Variants in UBR4 observed in about 807,000 individuals in gnomAD.
The protein encoded by UBR4 is ubiquitin protein ligase E3 component n-recognin 4.
Under a neutral mutation model 575.6 loss-of-function variants are expected in UBR4, and 124 were observed. The ratio of observed to expected loss-of-function variants is 0.22; its 90% CI spans 0.19 to 0.25. UBR4 has a LOEUF of 0.25. UBR4 is among the 10% of genes least tolerant of loss of function. The probability of loss-of-function intolerance (pLI) is 1.00; values close to 1 mark genes in which losing one functional copy is unlikely to be tolerated. For synonymous variants in UBR4, 2,455 were observed against 2,473.7 expected (o/e 0.99, Z 0.22); for missense variants, 4,818 against 6,478.8 (o/e 0.74, Z 8.80).
chr1:19,210,034 C>A (rs1304857870), intron 1 of UBR4, 39 bp downstream of exon 1: 1 of 1,515,152 alleles, frequency 6.6e-7, no homozygotes. Flanking sequence ...ATCCCCTCCC[C>A]CCACAACAGC....
Position 19,185,220 on chromosome 1 carries a change from G to C in UBR4, c.1817C>G (p.Ala606Gly). The stretch of plus-strand genomic sequence containing the variant: ...AGGTGGGGGAGGAGGCGGAGGTGCT[G>C]CTTTCTCTTTACTGGGAGAAATAGT... Reference protein sequence around the residue: ...EETISPSKEKAAPPPPPPPPP... With the variant: ...EETISPSKEKGAPPPPPPPPP... Residue 606 changes from alanine (A) to glycine (G), a missense_variant, in exon 15 of 106, where the codon GCA becomes GGA. Ala to Gly is a moderately conservative substitution (Grantham distance 60). Around this residue, in one of 29 missense-constraint regions of UBR4, gnomAD observed 1,172 missense variants for 1,259.7 expected, o/e 0.93. Coordinates refer to ENST00000375254, the MANE Select transcript of UBR4 (RefSeq NM_020765.3). 6.2e-7 allele frequency: 1 copy of C among 1,613,062 alleles called. No individual in the cohort carries two copies. The highest frequency in any genetic ancestry group is 8.5e-7 in the Non-Finnish European group (1 of 1,179,604).
intron 52 of UBR4, 139 bp from the exon 53 acceptor site, chr1:19,146,072 T>C: frequency 6.4e-7 from 1 of 1,564,330 alleles, no homozygotes; most frequent in Non-Finnish European, 8.7e-7. Flanking sequence ...CAACTATCCC[T>C]AGACTCCAGC....
rs1288579669 is a variant in UBR4, at chr1:19,139,281, AAAC to A, written c.8594-64_8594-62del. 5.2e-6 allele frequency: 8 copies of A among 1,528,640 alleles called. No homozygotes were observed. The highest frequency in any genetic ancestry group is 1.4e-5 in the African/African-American group (1 of 72,002). The allele number at this position is 1,528,640 out of a possible 1,614,324, so 94.7% of individuals were successfully genotyped here. ...ACAAACAAACAAACAAACAAACAAA[AAAC>A]AAAAAAAACCCCTCCTTGGGATGAA... On this transcript the variant is annotated intron_variant, in intron 58 of 105. Transcript: ENST00000375254. The surrounding 1 kb of genome is among the most constrained non-coding windows in gnomAD (Gnocchi z 4.2).
Position 19,113,996 on chromosome 1 carries a change from C to T in UBR4, c.11277G>A (p.Gln3759=), listed in dbSNP as rs1180705386. The change falls in exon 76 of 106, where the codon CAG becomes CAA. Residue 3759 remains glutamine, a synonymous_variant. Transcript: ENST00000375254. ...VYHQLMGHRP[Q]LENLLCKVNE... ...TCACTTTGCAGAGCAGGTTCTCCAGCTGTGGCCGGTGTCCCATCAGCTGAT... is the reference window on the plus strand; with the variant it reads ...TCACTTTGCAGAGCAGGTTCTCCAGTTGTGGCCGGTGTCCCATCAGCTGAT... The T allele has an allele frequency of 4.3e-6, 7 of 1,614,254 alleles. No individual in the cohort carries two copies. Among genetic ancestry groups the T allele is most frequent in the Non-Finnish European group, 5.1e-6 (6 of 1,180,052 alleles).
intron 74 of UBR4, among the ~76,000 whole-genome samples, 175 bp downstream of exon 74, chr1:19,115,219 ACACT>A (rs201826625): frequency 0.014 from 2,076 of 146,762 alleles, 53 homozygotes; most frequent in African/African-American, 0.048. Context: ...ACACACACAC[ACACT>A]CACTCACTCT....
At position 19,128,966 on chromosome 1, in the gene UBR4, G is replaced by C. The variant is rs773473838; in HGVS notation, c.9003+12C>G. The C allele has an allele frequency of 1.2e-6, 2 of 1,611,806 alleles. No homozygotes were observed. Among genetic ancestry groups the C allele is most frequent in the Non-Finnish European group, 1.7e-6 (2 of 1,177,900 alleles). ...CATGACCTGACAGAGATCCAGGTGA[G>C]CTAAGAGATACCTGCATGTATGGGA... On this transcript the variant is annotated intron_variant, in intron 61 of 105. Coordinates refer to ENST00000375254, the MANE Select transcript of UBR4 (RefSeq NM_020765.3).
chr1:19,080,800 C>T (rs2076419582), intron 103 of UBR4: 1 of 153,112 alleles, frequency 6.5e-6, no homozygotes, highest in East Asian at 1.9e-4. Context: ...AATCACAGCC[C>T]AAGGTCATAA....
In UBR4 at chr1:19,139,368, A is replaced by G; in HGVS notation, c.8594-148T>C. The G allele has an allele frequency of 8.9e-7, 1 of 1,121,350 alleles. No individual in the cohort carries two copies. Among genetic ancestry groups the G allele is most frequent in the Non-Finnish European group, 1.2e-6 (1 of 858,556 alleles). The allele number at this position is 1,121,350 out of a possible 1,614,324, so 69.5% of individuals were successfully genotyped here. On this transcript the variant is annotated intron_variant, in intron 58 of 105. Coordinates refer to ENST00000375254, the MANE Select transcript of UBR4 (RefSeq NM_020765.3). This position sits in a 1 kb window ranked among gnomAD's most constrained non-coding sequence, Gnocchi z 4.2. ...CAGTTTATATATCCTGTCGTCAAAG[A>G]AAAAAGGGAGAGATTTGCTTTGCTG...
chr1:19,164,903 G>A lies in UBR4; in HGVS notation c.4407C>T (p.Thr1469=), dbSNP rs373833653. 499 of 1,614,072 alleles carry A rather than the reference G, an allele frequency of 3.1e-4. 2 individuals carry two copies. Among genetic ancestry groups the A allele is most frequent in the South Asian group, 5.2e-4 (47 of 91,088 alleles). Residue 1469 remains threonine (T), a synonymous_variant, in exon 32 of 106, where the codon ACC becomes ACT. Transcript: ENST00000375254. The part of the protein sequence containing the change: ...VEPVRLQAWL[T]RMTTSPPKDS... ...CTTTTGGGGGCGATGTAGTCATGCG[G>A]GTGAGCCAGGCCTGCAGGCGCACAG... is the stretch of plus-strand genomic sequence containing the variant.
intron 11 of UBR4, among the ~76,000 whole-genome samples, chr1:19,190,312 A>AAAAAAAAAAAAAAT: frequency 1.4e-4 from 11 of 79,920 alleles, no homozygotes; most frequent in Non-Finnish European, 1.8e-4. Flanking sequence ...AAAAAAAAAA[A>AAAAAAAAAAAAAAT]ATATATATAT....
Position 19,145,939 on chromosome 1 carries a change from C to T in UBR4, c.7805-6G>A, listed in dbSNP as rs752989817. The T allele has an allele frequency of 1.9e-6, 3 of 1,613,212 alleles. No individual in the cohort carries two copies. The South Asian group carries it at 3.3e-5, about 18-fold the overall frequency. On this transcript the variant is annotated splice_region_variant and splice_polypyrimidine_tract_variant and intron_variant, in intron 52 of 105. Transcript: ENST00000375254. Reference sequence around the variant, plus strand: ...CTTCCCTTCATCCATTCCTTCTAAGCAGGAGAAAGAAAATTATCAACGATG... The same window carrying T: ...CTTCCCTTCATCCATTCCTTCTAAGTAGGAGAAAGAAAATTATCAACGATG...
At chr1:19,081,800 G>T (rs75559748) in intron 102 of UBR4, 2 of 706,124 alleles carry the variant, frequency 2.8e-6, no homozygotes, top group Admixed American at 2.0e-5. Context: ...TTCTTCCCTG[G>T]CCCCATGTCT....
Position 19,077,973 on chromosome 1 carries a change from T to C in UBR4, c.15324+3A>G, listed in dbSNP as rs2076123315. Reference sequence around the variant, plus strand: ...CCCACTGGGCCTCTGACAGCCTCCTTACCTTAAACATGTTGTAAATGAGAT... The same window carrying C: ...CCCACTGGGCCTCTGACAGCCTCCTCACCTTAAACATGTTGTAAATGAGAT... On this transcript the variant is annotated splice_donor_region_variant and intron_variant, in intron 104 of 105. Transcript: ENST00000375254. 1.2e-6 allele frequency: 2 copies of C among 1,613,966 alleles called. No individual in the cohort carries two copies. Among genetic ancestry groups the C allele is most frequent in the East Asian group, 4.5e-5 (2 of 44,866 alleles).
Position 19,115,601 on chromosome 1 carries a change from C to A in UBR4, c.10860G>T (p.Leu3620=). ...ARWHKAKKVQ[L]TPGQTEVKID... ...TCTTCACCTCTGTCTGTCCAGGGGT[C>A]AGCTGAACCTTCTTGGCTTTGTGCC... The change falls in exon 74 of 106, where the codon CTG becomes CTT. Residue 3620 remains leucine (L), a synonymous_variant. Coordinates refer to ENST00000375254, the MANE Select transcript of UBR4 (RefSeq NM_020765.3). The A allele has an allele frequency of 6.2e-7, 1 of 1,614,192 alleles. No individual in the cohort carries two copies. The highest frequency in any genetic ancestry group is 8.5e-7 in the Non-Finnish European group (1 of 1,180,014).
intron 58 of UBR4, among the ~76,000 whole-genome samples, chr1:19,140,192 T>C (rs1025011415): frequency 6.7e-6 from 1 of 149,140 alleles, no homozygotes; most frequent in Non-Finnish European, 1.5e-5. Flanking sequence ...CTCCATTTGG[T>C]CCAACTCTCT....
Position 19,153,504 on chromosome 1 carries a change from TAGG to T in UBR4, c.6631-5_6631-3del, listed in dbSNP as rs1305111332. 2 of 1,613,690 alleles carry T rather than the reference TAGG, an allele frequency of 1.2e-6. No homozygotes were observed. Among genetic ancestry groups the T allele is most frequent in the Admixed American group, 1.7e-5 (1 of 60,002 alleles). ...CCTAATAGCAACCATGTCTTGGATC[TAGG>T]AGGAGAGGACAAAGGAGGGTCTTCG... On this transcript the variant is annotated splice_region_variant and splice_polypyrimidine_tract_variant and intron_variant, in intron 45 of 105. Transcript: ENST00000375254. This position sits in a 1 kb window ranked among gnomAD's most constrained non-coding sequence, Gnocchi z 4.1.
intron 22 of UBR4, 31 bp from the exon 23 acceptor site, chr1:19,173,652 C>A (rs1258206148): frequency 5.6e-6 from 9 of 1,607,818 alleles, no homozygotes; most frequent in Non-Finnish European, 7.7e-6. Context: ...ATAGAGGTAG[C>A]ACTTGGTATG....
At chr1:19,183,006 T>C (rs1323665747) in intron 17 of UBR4, among the ~76,000 whole-genome samples, 1 of 152,182 alleles carries the variant, frequency 6.6e-6, no homozygotes, top group Non-Finnish European at 1.5e-5. Context: ...GAGAGAACCA[T>C]AAGATTGGAA....
intron 52 of UBR4, 103 bp downstream of exon 52, chr1:19,146,723 T>C: frequency 6.8e-7 from 1 of 1,463,702 alleles, no homozygotes; most frequent in Non-Finnish European, 9.2e-7. Flanking sequence ...TCCCTGTCTC[T>C]GAGCATGCAG....
Sources: allele counts gnomAD v4.1 joint callset (sites outside exome capture counted in the v4.1 genomes callset), GRCh38; gene constraint gnomAD v4.1.1; regional missense constraint gnomAD v4.1.1; non-coding constraint Gnocchi (gnomAD v3.1); transcripts MANE v1.5; gene names NCBI Gene and HGNC (gene_info 2026-07-23, HGNC 2026-07-21).